The following OSBPL6 variants were observed in gnomAD, a reference collection of about 807,000 sequenced individuals.
OSBPL6 encodes oxysterol-binding protein-related protein 6.
In OSBPL6, 49 loss-of-function variants were observed where a neutral mutation model predicts 125.8. The ratio of observed to expected loss-of-function variants is 0.39; its 90% CI spans 0.31 to 0.49. The LOEUF is 0.49. OSBPL6 is among the 20% of genes least tolerant of loss of function. The pLI, the probability that OSBPL6 is intolerant of heterozygous loss-of-function variation, is 0.88. For synonymous variants in OSBPL6, 394 were observed against 391.8 expected (o/e 1.01, Z -0.07); for missense variants, 986 against 1,135.4 (o/e 0.87, Z 1.89).
At chr2:178,214,960 C>G (rs1337528026) in intron 1 of OSBPL6, among the ~76,000 whole-genome samples, 4 of 150,462 alleles carry the variant, frequency 2.7e-5, no homozygotes, top group Admixed American at 1.3e-4. Flanking sequence ...TCTAAACAAA[C>G]AAAAACCTTT....
At chr2:178,199,962 C>CA (rs151226339) in intron 1 of OSBPL6, among the ~76,000 whole-genome samples, 4,604 of 152,202 alleles carry the variant, frequency 0.03, 99 homozygotes, top group South Asian at 0.088. Flanking sequence ...AGCTAACTGA[C>CA]AATTATTTCT....
At chr2:178,385,078 C>T (rs989754976) in intron 18 of OSBPL6, among the ~76,000 whole-genome samples, 3 of 151,934 alleles carry the variant, frequency 2.0e-5, no homozygotes, top group Admixed American at 1.3e-4. Context: ...CACACTGGGG[C>T]CTGTTGGGGG....
intron 15 of OSBPL6, among the ~76,000 whole-genome samples, chr2:178,378,494 A>G (rs535539242): frequency 1.3e-5 from 2 of 152,250 alleles, no homozygotes; most frequent in Non-Finnish European, 2.9e-5. Flanking sequence ...CTTTTAAAAA[A>G]TGTTCTTCTT....
At chr2:178,380,864 A>C (rs1694407523) in intron 15 of OSBPL6, among the ~76,000 whole-genome samples, 1 of 152,246 alleles carries the variant, frequency 6.6e-6, no homozygotes, top group Non-Finnish European at 1.5e-5. Context: ...TGTATTCAGA[A>C]TGCTATAAAG....
At chr2:178,220,363 C>A (rs1428669614) in intron 1 of OSBPL6, among the ~76,000 whole-genome samples, 1 of 152,116 alleles carries the variant, frequency 6.6e-6, no homozygotes, top group East Asian at 1.9e-4. Context: ...GTGGGGTGAT[C>A]TTGGCTCACT....
intron 11 of OSBPL6, among the ~76,000 whole-genome samples, chr2:178,346,064 T>C (rs1026599204): frequency 4.0e-5 from 6 of 151,690 alleles, no homozygotes; most frequent in Non-Finnish European, 8.8e-5. Flanking sequence ...CTAGGGGGAC[T>C]GGCTACTCCA....
chr2:178,382,594 C>T (rs773842281), intron 16 of OSBPL6, 87 bp downstream of exon 16: 60 of 1,572,278 alleles, frequency 3.8e-5, no homozygotes, highest in East Asian at 1.2e-4. Flanking sequence ...CCCCCTCCCA[C>T]GCCACCCCCA....
At chr2:178,296,488 C>T (rs1175704349) in intron 2 of OSBPL6, among the ~76,000 whole-genome samples, 1 of 152,088 alleles carries the variant, frequency 6.6e-6, no homozygotes, top group Non-Finnish European at 1.5e-5. Flanking sequence ...ACAAGAGAAA[C>T]CACTACAATG....
chr2:178,341,644 A>G (rs1390543512), intron 11 of OSBPL6, among the ~76,000 whole-genome samples: 3 of 152,212 alleles, frequency 2.0e-5, no homozygotes, highest in African/African-American at 2.4e-5. Context: ...CCTCAAAGAC[A>G]CTCAAAGACA....
At chr2:178,298,011 C>T (rs961011227) in intron 2 of OSBPL6, among the ~76,000 whole-genome samples, 5 of 152,238 alleles carry the variant, frequency 3.3e-5, no homozygotes, top group Non-Finnish European at 7.3e-5. Flanking sequence ...AAACACAACT[C>T]TTCCCATTTC....
intron 1 of OSBPL6, among the ~76,000 whole-genome samples, chr2:178,210,225 A>G (rs12151683): frequency 0.14 from 21,018 of 151,870 alleles, 1,685 homozygotes; most frequent in Middle Eastern, 0.23. Context: ...GGGTTTCACC[A>G]TGTTGGTCAT....
At chr2:178,330,480 C>G (rs1298967907) in intron 5 of OSBPL6, among the ~76,000 whole-genome samples, 1 of 152,182 alleles carries the variant, frequency 6.6e-6, no homozygotes. Context: ...TGATTTTAAT[C>G]AAGTGTTTTT....
At chr2:178,301,411 G>A (rs1183319199) in intron 2 of OSBPL6, among the ~76,000 whole-genome samples, 1 of 152,066 alleles carries the variant, frequency 6.6e-6, no homozygotes, top group Non-Finnish European at 1.5e-5. Flanking sequence ...TGGTATTGTT[G>A]AAGTTTCTTT....
At chr2:178,219,779 A>G (rs2090259823) in intron 1 of OSBPL6, among the ~76,000 whole-genome samples, 1 of 152,136 alleles carries the variant, frequency 6.6e-6, no homozygotes, top group Non-Finnish European at 1.5e-5. Context: ...ACATGTCAGG[A>G]GCAATTAGTG....
intron 12 of OSBPL6, among the ~76,000 whole-genome samples, chr2:178,357,287 C>G (rs1252340203): frequency 2.0e-5 from 3 of 152,194 alleles, no homozygotes; most frequent in Admixed American, 1.3e-4. Context: ...AAACTACCAT[C>G]AGAATGAACA....
intron 11 of OSBPL6, among the ~76,000 whole-genome samples, chr2:178,347,503 T>G (rs1331984212): frequency 6.6e-6 from 1 of 152,216 alleles, no homozygotes; most frequent in Non-Finnish European, 1.5e-5. Flanking sequence ...ATGGGCTGAC[T>G]GCTCTTTCTA....
At chr2:178,277,271 A>G (rs1337032060) in intron 1 of OSBPL6, among the ~76,000 whole-genome samples, 1 of 152,228 alleles carries the variant, frequency 6.6e-6, no homozygotes, top group Non-Finnish European at 1.5e-5. Flanking sequence ...TTTCACACAG[A>G]TGTTGTCAAG....
rs1013092963 is a variant in OSBPL6, at chr2:178,222,104, C to T, written c.-351+27430C>T. ...CTGTAAGCATTGATGGTTTGCAGCA[C>T]GTTCTCTTCCAGCCCCAGGAAGTTC... On this transcript the variant is annotated intron_variant, in intron 1 of 24. Transcript: ENST00000190611. 2.3e-4 allele frequency among the ~76,000 whole-genome samples: 35 copies of T among 152,288 alleles called. 2 individuals carry two copies. The East Asian group carries it at 3.5e-3, about 15-fold the overall frequency.
chr2:178,347,720 T>C (rs1479711489), intron 11 of OSBPL6, among the ~76,000 whole-genome samples: 1 of 152,142 alleles, frequency 6.6e-6, no homozygotes, highest in Non-Finnish European at 1.5e-5. Context: ...GTCTCAAATC[T>C]AGAATAGCCA....
Sources: gnomAD v4.1 joint callset for allele counts (sites outside exome capture counted in the v4.1 genomes callset) on GRCh38, gnomAD v4.1.1 for gene constraint, MANE v1.5 for transcripts, NCBI Gene and HGNC (gene_info 2026-07-23, HGNC 2026-07-21) for gene names.